DDX19A: variants seen among roughly 807,000 people sequenced by gnomAD.
DDX19A encodes the protein ATP-dependent RNA helicase DDX19A.
A neutral mutation model predicts 60.6 loss-of-function variants in DDX19A; 12 were observed. The observed-to-expected ratio is 0.20, with a 90% CI of 0.13 to 0.32. DDX19A has a LOEUF of 0.32. Among genes scored for constraint, DDX19A ranks in the 10% least tolerant of loss-of-function variants. The probability of loss-of-function intolerance (pLI) is 1.00; values close to 1 mark genes in which losing one functional copy is unlikely to be tolerated. For synonymous variants in DDX19A, 206 were observed against 218.2 expected (o/e 0.94, Z 0.49); for missense variants, 337 against 600.6 (o/e 0.56, Z 4.59).
Position 70,346,941 on chromosome 16 carries a change from C to T in DDX19A, c.-51C>T, listed in dbSNP as rs766661312. On this transcript the variant is annotated 5_prime_UTR_variant, in exon 1 of 12. Coordinates refer to ENST00000302243, the MANE Select transcript of DDX19A (RefSeq NM_018332.5). ...GGTGGCGAGGTTAGGGCCCGCGTTG[C>T]GACGTGGTGCAGCGCATATTTTCAC... 7 of 1,572,406 alleles carry T rather than the reference C, an allele frequency of 4.5e-6. No homozygotes were observed. The South Asian group carries it at 6.9e-5, about 15-fold the overall frequency.
Position 70,356,105 on chromosome 16 carries a change from C to T in DDX19A, c.158-7C>T. On this transcript the variant is annotated splice_polypyrimidine_tract_variant and splice_region_variant and intron_variant, in intron 3 of 11. Coordinates refer to ENST00000302243, the MANE Select transcript of DDX19A (RefSeq NM_018332.5). ...AGTATGAAGATCTACTGGTTTCTTC[C>T]TGACAGAGGACAGAGCTGCCCAGTC... The T allele has an allele frequency of 3.1e-6, 5 of 1,613,542 alleles. No individual in the cohort carries two copies. Among genetic ancestry groups the T allele is most frequent in the Non-Finnish European group, 4.2e-6 (5 of 1,180,000 alleles).
At chr16:70,348,396 C>T (rs1343303322) in intron 1 of DDX19A, among the ~76,000 whole-genome samples, 7 of 151,836 alleles carry the variant, frequency 4.6e-5, no homozygotes, top group Admixed American at 2.6e-4. Flanking sequence ...GAGGCCGAGG[C>T]GGGCAGATCA....
chr16:70,369,519 C>T (rs1293027436), intron 9 of DDX19A, among the ~76,000 whole-genome samples: 8 of 151,912 alleles, frequency 5.3e-5, no homozygotes, highest in Admixed American at 3.9e-4. Flanking sequence ...TGATCCTTCA[C>T]TTGATCTCCC....
chr16:70,371,909 T>G lies in DDX19A; in HGVS notation c.1376-16T>G, dbSNP rs1419038251. The stretch of plus-strand genomic sequence containing the variant: ...CATTCCTGGGCAGGGTAGAGACTTG[T>G]GTATCTTTCCCCCAGATAAGAAGAT... On this transcript the variant is annotated splice_polypyrimidine_tract_variant and intron_variant, in intron 11 of 11. Coordinates refer to ENST00000302243, the MANE Select transcript of DDX19A (RefSeq NM_018332.5). 6.2e-7 allele frequency: 1 copy of G among 1,614,004 alleles called. No homozygotes were observed. Among genetic ancestry groups the G allele is most frequent in the Admixed American group, 1.7e-5 (1 of 60,010 alleles).
chr16:70,349,163 G>T lies in DDX19A; in HGVS notation c.58-1394G>T, dbSNP rs1963938053. On this transcript the variant is annotated intron_variant, in intron 1 of 11. Transcript: ENST00000302243. ...AATTAGTGGAGGAAAAAGGCTCATG[G>T]GCTAAGTCCAGAGGAAACCAGGCAA... Among the ~76,000 whole-genome samples, 5 of 152,138 alleles carry T rather than the reference G, an allele frequency of 3.3e-5. No homozygotes were observed. In the South Asian group the frequency reaches 1.0e-3, roughly 32 times the overall value.
chr16:70,357,084 T>G (rs987902988), intron 4 of DDX19A, among the ~76,000 whole-genome samples: 4 of 150,836 alleles, frequency 2.7e-5, no homozygotes, highest in Admixed American at 1.3e-4. Context: ...CTGTCTCCAC[T>G]AAAAATACAA....
chr16:70,357,849 G>A (rs918822188), intron 4 of DDX19A, among the ~76,000 whole-genome samples: 1 of 151,950 alleles, frequency 6.6e-6, no homozygotes, highest in African/African-American at 2.4e-5. Context: ...ATAAGAATAT[G>A]GTGGAATCAA....
chr16:70,353,799 G>GC (rs1435545236), intron 2 of DDX19A, among the ~76,000 whole-genome samples: 7 of 151,756 alleles, frequency 4.6e-5, no homozygotes, highest in Non-Finnish European at 1.0e-4. Context: ...TACTCGGGAG[G>GC]CTGAGGCAGA....
At chr16:70,370,140 C>T (rs1964638191) in intron 9 of DDX19A, 83 bp from the exon 10 acceptor site, 12 of 1,493,460 alleles carry the variant, frequency 8.0e-6, no homozygotes, top group Admixed American at 2.4e-5. Context: ...TTAGATCACC[C>T]TGAGTGACAG....
intron 3 of DDX19A, 115 bp downstream of exon 3, chr16:70,355,650 A>G (rs1467223912): frequency 3.5e-6 from 3 of 849,622 alleles, no homozygotes; most frequent in Non-Finnish European, 6.0e-6. Context: ...CAGAGAAGGA[A>G]TAGTCAGTGA....
At position 70,372,007 on chromosome 16, in the gene DDX19A, T is replaced by C; in HGVS notation, c.*21T>C. ...ACTGAGAAGCTCCACCAGCCACTGATGCCAGCCCTGGCACTGCCCCTGCAC... is the reference window on the plus strand; with the variant it reads ...ACTGAGAAGCTCCACCAGCCACTGACGCCAGCCCTGGCACTGCCCCTGCAC... On this transcript the variant is annotated 3_prime_UTR_variant, in exon 12 of 12. Coordinates refer to ENST00000302243, the MANE Select transcript of DDX19A (RefSeq NM_018332.5). The C allele has an allele frequency of 1.2e-6, 2 of 1,614,040 alleles. No homozygotes were observed. Among genetic ancestry groups the C allele is most frequent in the Non-Finnish European group, 8.5e-7 (1 of 1,179,876 alleles).
intron 7 of DDX19A, 157 bp from the exon 8 acceptor site, chr16:70,365,928 C>A: frequency 9.0e-7 from 1 of 1,109,622 alleles, no homozygotes; most frequent in Non-Finnish European, 1.3e-6. Flanking sequence ...CTGCCCACTT[C>A]ACAGCAGAAG....
In DDX19A at chr16:70,371,905, C is replaced by T. The variant is rs1019638719; in HGVS notation, c.1376-20C>T. 6.2e-7 allele frequency: 1 copy of T among 1,614,006 alleles called. No homozygotes were observed. Among genetic ancestry groups the T allele is most frequent in the South Asian group, 1.1e-5 (1 of 91,078 alleles). On this transcript the variant is annotated intron_variant, in intron 11 of 11. Transcript: ENST00000302243. ...GGCACATTCCTGGGCAGGGTAGAGA[C>T]TTGTGTATCTTTCCCCCAGATAAGA...
intron 2 of DDX19A, among the ~76,000 whole-genome samples, chr16:70,351,576 G>A (rs913695646): frequency 2.0e-5 from 3 of 151,900 alleles, no homozygotes; most frequent in Non-Finnish European, 2.9e-5. Context: ...GCAGGCCGGA[G>A]TGCAGTGGTG....
intron 4 of DDX19A, among the ~76,000 whole-genome samples, chr16:70,358,604 G>A (rs1964285133): frequency 6.6e-6 from 1 of 152,090 alleles, no homozygotes; most frequent in Admixed American, 6.6e-5. Flanking sequence ...AGCACTTTGG[G>A]AGGTCAAGGC....
intron 4 of DDX19A, among the ~76,000 whole-genome samples, chr16:70,357,258 CAA>C (rs1163431591): frequency 0.016 from 1,061 of 64,874 alleles, 17 homozygotes; most frequent in African/African-American, 0.046. Context: ...GACTCTCTCT[CAA>C]AAAAAAAAAA....
intron 4 of DDX19A, among the ~76,000 whole-genome samples, chr16:70,359,350 G>T: frequency 6.6e-6 from 1 of 152,128 alleles, no homozygotes; most frequent in East Asian, 1.9e-4. Flanking sequence ...ATTTCTTTGT[G>T]TCTGAGAACC....
intron 2 of DDX19A, among the ~76,000 whole-genome samples, chr16:70,352,622 C>T (rs1227585743): frequency 7.3e-6 from 1 of 137,454 alleles, no homozygotes; most frequent in Non-Finnish European, 1.5e-5. Flanking sequence ...TGCATTGTGT[C>T]GATCTACCAC....
intron 2 of DDX19A, among the ~76,000 whole-genome samples, chr16:70,354,639 T>C (rs1964128030): frequency 6.6e-6 from 1 of 152,042 alleles, no homozygotes; most frequent in Non-Finnish European, 1.5e-5. Context: ...TTAGTCAAAA[T>C]TTCTAGAAAT....
Sources: allele counts gnomAD v4.1 joint callset (sites outside exome capture counted in the v4.1 genomes callset), GRCh38; gene constraint gnomAD v4.1.1; transcripts MANE v1.5; gene names NCBI Gene and HGNC (gene_info 2026-07-23, HGNC 2026-07-21).